ZNF662: variants seen among roughly 807,000 people sequenced by gnomAD.
The protein encoded by ZNF662 is zinc finger protein 662.
In ZNF662, 14 loss-of-function variants were observed where a neutral mutation model predicts 12.4. That is an observed-to-expected ratio of 1.13 (90% CI 0.75 to 1.77). The LOEUF is 1.77. ZNF662 is among the 40% of genes most tolerant of loss of function. The pLI is 0.00. For synonymous variants in ZNF662, 184 were observed against 176.4 expected (o/e 1.04, Z -0.34); for missense variants, 550 against 515.6 (o/e 1.07, Z -0.65).
chr3:42,908,634 C>A, intron 2 of ZNF662, 159 bp from the exon 3 acceptor site: 1 of 1,464,488 alleles, frequency 6.8e-7, no homozygotes, highest in South Asian at 1.4e-5. Flanking sequence ...AGTCTCCTGG[C>A]CCCTCTCTTG....
At position 42,915,427 on chromosome 3, in the gene ZNF662, T is replaced by G. The variant is rs2088888342; in HGVS notation, c.*73T>G. ...CCCTAGAGACAAAATGAGATGACCATTCACAATTTGCTGTAACCCTTAACT... is the reference window on the plus strand; with the variant it reads ...CCCTAGAGACAAAATGAGATGACCAGTCACAATTTGCTGTAACCCTTAACT... On this transcript the variant is annotated 3_prime_UTR_variant, in exon 5 of 5. Coordinates refer to ENST00000440367, the MANE Select transcript of ZNF662 (RefSeq NM_207404.4). 3 of 1,416,130 alleles carry G rather than the reference T, an allele frequency of 2.1e-6. No homozygotes were observed. The South Asian group carries it at 4.3e-5, about 20-fold the overall frequency. 87.7% of individuals were successfully genotyped at this position (1,416,130 alleles called of 1,614,324 possible).
Position 42,916,943 on chromosome 3 carries a change from T to A in ZNF662, c.*1589T>A, listed in dbSNP as rs2088901836. On this transcript the variant is annotated 3_prime_UTR_variant, in exon 5 of 5. Transcript: ENST00000440367. Reference sequence around the variant, plus strand: ...TAGATAGCTTCATCCAGTCAATAGTTGAAAAGTTTTCACATAATCCAGTAT... The same window carrying A: ...TAGATAGCTTCATCCAGTCAATAGTAGAAAAGTTTTCACATAATCCAGTAT... The A allele has an allele frequency of 6.6e-6, 1 of 152,356 alleles. No individual in the cohort carries two copies. The allele number at this position is 152,356 out of a possible 1,614,324, so 9.4% of individuals were successfully genotyped here.
chr3:42,907,106 C>T (rs1395176039), intron 1 of ZNF662, among the ~76,000 whole-genome samples: 1 of 152,172 alleles, frequency 6.6e-6, no homozygotes, highest in African/African-American at 2.4e-5. Flanking sequence ...GAGACTGAGA[C>T]CCTGAAGGAG....
chr3:42,907,952 G>A (rs1347239226), intron 1 of ZNF662, 70 bp from the exon 2 acceptor site: 2 of 1,575,858 alleles, frequency 1.3e-6, no homozygotes, highest in Non-Finnish European at 1.7e-6. Context: ...ACCTTTTGAT[G>A]CCCTGTCTCC....
chr3:42,907,762 A>G, intron 1 of ZNF662: 1 of 985,472 alleles, frequency 1.0e-6, no homozygotes, highest in Non-Finnish European at 1.2e-6. Flanking sequence ...GGATGAAACA[A>G]GAAAACTTTT....
intron 4 of ZNF662, 122 bp from the exon 5 acceptor site, chr3:42,914,205 G>A (rs1344603468): frequency 3.5e-6 from 3 of 846,044 alleles, no homozygotes; most frequent in African/African-American, 1.7e-5. Context: ...TTTCAGCTGG[G>A]ACAGGGCCAC....
Position 42,906,439 on chromosome 3 carries a change from C to A in ZNF662, c.-94+271C>A. On this transcript the variant is annotated intron_variant, in intron 1 of 4. Transcript: ENST00000440367. The surrounding 1 kb of genome is among the most constrained non-coding windows in gnomAD (Gnocchi z 4.4). ...ACAGCCCGCGCTGCCCCGGGCGCGC[C>A]GGGTGAGTGCGGGGCCGGAGCCTGG... 6.9e-7 allele frequency: 1 copy of A among 1,455,844 alleles called. No individual in the cohort carries two copies. The highest frequency in any genetic ancestry group is 1.4e-5 in the South Asian group (1 of 72,744). The allele number at this position is 1,455,844 out of a possible 1,614,324, so 90.2% of individuals were successfully genotyped here. A position where few individuals can be genotyped will look rare whatever the true frequency, so the allele number is the denominator to read the frequency against.
At chr3:42,914,203 G>C (rs2088869228) in intron 4 of ZNF662, 124 bp from the exon 5 acceptor site, 6 of 814,490 alleles carry the variant, frequency 7.4e-6, no homozygotes. Flanking sequence ...ATTTTCAGCT[G>C]GGACAGGGCC....
In ZNF662 at chr3:42,906,829, G is replaced by A. The variant is rs1186170749; in HGVS notation, c.-94+661G>A. Among the ~76,000 whole-genome samples the A allele has an allele frequency of 6.6e-6, 1 of 152,236 alleles. No individual in the cohort carries two copies. Among genetic ancestry groups the A allele is most frequent in the Non-Finnish European group, 1.5e-5 (1 of 68,044 alleles). On this transcript the variant is annotated intron_variant, in intron 1 of 4. Coordinates refer to ENST00000440367, the MANE Select transcript of ZNF662 (RefSeq NM_207404.4). The surrounding 1 kb of genome is among the most constrained non-coding windows in gnomAD (Gnocchi z 4.4). ...CGCAGGTGCAAGGACACAGAACAGG[G>A]TGAGGAAAGAGTTTGGTTTCCCAAT...
At chr3:42,908,683 T>A in intron 2 of ZNF662, 110 bp from the exon 3 acceptor site, 1 of 1,474,862 alleles carries the variant, frequency 6.8e-7, no homozygotes, top group Non-Finnish European at 9.1e-7. Context: ...TCTTCCTAGT[T>A]ATTTCCGTTT....
chr3:42,915,404 C>G lies in ZNF662; in HGVS notation c.*50C>G. ...TTATAATTCTTATGCTGCAGGAACC[C>G]TAGAGACAAAATGAGATGACCATTC... On this transcript the variant is annotated 3_prime_UTR_variant, in exon 5 of 5. Transcript: ENST00000440367. 3 of 1,496,350 alleles carry G rather than the reference C, an allele frequency of 2.0e-6. No homozygotes were observed. In the South Asian group the frequency reaches 4.1e-5, roughly 20 times the overall value. 92.7% of individuals were successfully genotyped at this position (1,496,350 alleles called of 1,614,324 possible). A position where few individuals can be genotyped will look rare whatever the true frequency, so the allele number is the denominator to read the frequency against.
Position 42,917,535 on chromosome 3 carries a change from AC to A in ZNF662, c.*2182del. ...GAAAACAGTGACTAAACAGAGAGAA[AC>A]TAGGTCCTTGGTGACATCTTTTGAG... On this transcript the variant is annotated 3_prime_UTR_variant, in exon 5 of 5. Transcript: ENST00000440367. 1 of 702,962 alleles carries A rather than the reference AC, an allele frequency of 1.4e-6. No individual in the cohort carries two copies. The highest frequency in any genetic ancestry group is 1.7e-5 in the African/African-American group (1 of 57,378). 43.5% of individuals were successfully genotyped at this position (702,962 alleles called of 1,614,324 possible). A position where few individuals can be genotyped will look rare whatever the true frequency, so the allele number is the denominator to read the frequency against.
Position 42,917,847 on chromosome 3 carries a change from C to T in ZNF662, c.*2493C>T, listed in dbSNP as rs2088909974. On this transcript the variant is annotated 3_prime_UTR_variant, in exon 5 of 5. Transcript: ENST00000440367. ...TTTTGCTGGGTGCAGTGGCTTACGC[C>T]TGTAATCCCATCACTTTGGGAGGCC... Among the ~76,000 whole-genome samples, 1 of 152,232 alleles carries T rather than the reference C, an allele frequency of 6.6e-6. No homozygotes were observed. Among genetic ancestry groups the T allele is most frequent in the Non-Finnish European group, 1.5e-5 (1 of 68,048 alleles).
rs145624827 is a variant in ZNF662 at position 42,914,510 on chromosome 3, G to A, written c.437G>A (p.Arg146His). Residue 146 changes from arginine to histidine, a missense_variant, in exon 5 of 5, where the codon CGT (arginine) becomes CAT (histidine). Physicochemically the swap from Arg to His is conservative, Grantham distance 29. Coordinates refer to ENST00000440367, the MANE Select transcript of ZNF662 (RefSeq NM_207404.4). The stretch of plus-strand genomic sequence containing the variant: ...TGGCCTGGTTACCTCAATGGGGGAC[G>A]TATGGAAAGTTCTACAAATGATATT... ...GRWPGYLNGG[R>H]MESSTNDIIE... is the part of the protein sequence containing the mutation. 1.6e-5 allele frequency: 26 copies of A among 1,613,916 alleles called. 1 individual carries two copies. Among genetic ancestry groups the A allele is most frequent in the East Asian group, 8.9e-5 (4 of 44,888 alleles).
intron 3 of ZNF662, among the ~76,000 whole-genome samples, chr3:42,909,892 C>A (rs2088755489): frequency 6.6e-6 from 1 of 151,854 alleles, no homozygotes; most frequent in Non-Finnish European, 1.5e-5. Flanking sequence ...CAGAGGCGCT[C>A]CCCACATCCC....
chr3:42,906,958 A>G lies in ZNF662; in HGVS notation c.-94+790A>G, dbSNP rs1012552789. On this transcript the variant is annotated intron_variant, in intron 1 of 4. Coordinates refer to ENST00000440367, the MANE Select transcript of ZNF662 (RefSeq NM_207404.4). This position sits in a 1 kb window ranked among gnomAD's most constrained non-coding sequence, Gnocchi z 4.4. ...ATGGAATTGTCTGTAGTGCAGAGGA[A>G]TGTGGACTCTATTAGGCAGACAAAG... 3.9e-5 allele frequency among the ~76,000 whole-genome samples: 6 copies of G among 152,134 alleles called. No individual in the cohort carries two copies. Among genetic ancestry groups the G allele is most frequent in the African/African-American group, 1.4e-4 (6 of 41,432 alleles).
rs2088909400 is a variant in ZNF662 at position 42,917,771 on chromosome 3, C to T, written c.*2417C>T. 1 of 583,862 alleles carries T rather than the reference C, an allele frequency of 1.7e-6. No homozygotes were observed. Among genetic ancestry groups the T allele is most frequent in the Non-Finnish European group, 3.0e-6 (1 of 333,118 alleles). 36.2% of individuals were successfully genotyped at this position (583,862 alleles called of 1,614,324 possible). ...TTGCTCAGTAGTCTCATAAGCTTCTCAGTTTTATCTCATCTCAGTTGCTTG... is the reference window on the plus strand; with the variant it reads ...TTGCTCAGTAGTCTCATAAGCTTCTTAGTTTTATCTCATCTCAGTTGCTTG... On this transcript the variant is annotated 3_prime_UTR_variant, in exon 5 of 5. Coordinates refer to ENST00000440367, the MANE Select transcript of ZNF662 (RefSeq NM_207404.4).
intron 3 of ZNF662, among the ~76,000 whole-genome samples, chr3:42,912,629 ATT>A (rs1491104226): frequency 4.6e-5 from 4 of 87,670 alleles, no homozygotes; most frequent in Non-Finnish European, 6.4e-5. Context: ...TAAAATATAT[ATT>A]TATATATTTT....
Position 42,917,752 on chromosome 3 carries a change from A to G in ZNF662, c.*2398A>G. ...TCAGTGTCACCTTTTCCTCTTGCTC[A>G]GTAGTCTCATAAGCTTCTCAGTTTT... On this transcript the variant is annotated 3_prime_UTR_variant, in exon 5 of 5. Coordinates refer to ENST00000440367, the MANE Select transcript of ZNF662 (RefSeq NM_207404.4). 3 of 597,764 alleles carry G rather than the reference A, an allele frequency of 5.0e-6. No homozygotes were observed. In the South Asian group the frequency reaches 6.3e-5, roughly 13 times the overall value. 37.0% of individuals were successfully genotyped at this position (597,764 alleles called of 1,614,324 possible). A position where few individuals can be genotyped will look rare whatever the true frequency, so the allele number is the denominator to read the frequency against.
Sources: gnomAD v4.1 joint callset for allele counts (sites outside exome capture counted in the v4.1 genomes callset) on GRCh38, gnomAD v4.1.1 for gene constraint, Gnocchi (gnomAD v3.1) non-coding constraint, MANE v1.5 for transcripts, NCBI Gene and HGNC (gene_info 2026-07-23, HGNC 2026-07-21) for gene names.